SLC25A25: variants seen among roughly 807,000 people sequenced by gnomAD.
The protein encoded by SLC25A25 is mitochondrial adenyl nucleotide antiporter SLC25A25.
In SLC25A25, 32 loss-of-function variants were observed where a neutral mutation model predicts 57.7. The ratio of observed to expected loss-of-function variants is 0.55; its 90% CI spans 0.42 to 0.74. SLC25A25 has a LOEUF of 0.74. Among genes scored for constraint, SLC25A25 ranks in the 30% least tolerant of loss-of-function variants. The pLI, the probability that SLC25A25 is intolerant of heterozygous loss-of-function variation, is 0.00. For missense variants in SLC25A25, 556 were observed against 701.3 expected (o/e 0.79, Z 2.34); for synonymous variants, 306 against 291.2 (o/e 1.05, Z -0.52).
intron 6 of SLC25A25, among the ~76,000 whole-genome samples, chr9:128,105,158 CTTTTTTTTTTTT>C (rs11351573): frequency 1.2e-3 from 35 of 29,184 alleles, no homozygotes; most frequent in South Asian, 4.7e-3. Flanking sequence ...CACTCCCGGC[CTTTTTTTTTTTT>C]TTTTTTTTTT....
Position 128,102,594 on chromosome 9 carries a change from C to T in SLC25A25, c.624+113C>T, listed in dbSNP as rs1833849770. The T allele has an allele frequency of 2.6e-6, 2 of 767,732 alleles. No homozygotes were observed. The highest frequency in any genetic ancestry group is 4.2e-6 in the Non-Finnish European group (2 of 471,874). 47.6% of individuals were successfully genotyped at this position (767,732 alleles called of 1,614,324 possible). On this transcript the variant is annotated intron_variant, in intron 5 of 10. Coordinates refer to ENST00000373069, the MANE Select transcript of SLC25A25 (RefSeq NM_001330988.2). The surrounding 1 kb of genome is among the most constrained non-coding windows in gnomAD (Gnocchi z 4.1). ...GGGGCTTTCCAGCCACCTCCTCTTC[C>T]ACAGGAGACTGTCCCCTCTTCTGCC... is the stretch of plus-strand genomic sequence containing the variant.
chr9:128,088,180 G>A (rs1183183998), intron 1 of SLC25A25, among the ~76,000 whole-genome samples: 3 of 152,306 alleles, frequency 2.0e-5, no homozygotes, highest in South Asian at 4.1e-4. Context: ...TTGTTGGGCG[G>A]AACAAGGACA....
intron 1 of SLC25A25, among the ~76,000 whole-genome samples, chr9:128,088,259 C>G (rs1348428166): frequency 2.6e-5 from 4 of 152,208 alleles, no homozygotes. Context: ...TTCTGAACCT[C>G]CCTGTATTCT....
At chr9:128,088,413 G>A (rs574092667) in intron 1 of SLC25A25, among the ~76,000 whole-genome samples, 12 of 152,288 alleles carry the variant, frequency 7.9e-5, no homozygotes, top group Admixed American at 5.9e-4. Flanking sequence ...CTCACTCCCT[G>A]TGCAGCTCTC....
At chr9:128,098,586 ATGTGC>A (rs774725023) in intron 1 of SLC25A25, 1 of 1,614,056 alleles carries the variant, frequency 6.2e-7, no homozygotes, top group South Asian at 1.1e-5. Flanking sequence ...CTGTGCCTGT[ATGTGC>A]CGGTCATCGG....
intron 1 of SLC25A25, chr9:128,098,472 C>T: frequency 3.3e-6 from 5 of 1,507,288 alleles, no homozygotes; most frequent in Non-Finnish European, 4.4e-6. Context: ...ACAGCTGAGG[C>T]CAGGCTTGTC....
In SLC25A25 at chr9:128,103,882, C is replaced by G. The variant is rs757938933; in HGVS notation, c.783+43C>G. 3 of 1,490,480 alleles carry G rather than the reference C, an allele frequency of 2.0e-6. No individual in the cohort carries two copies. Among genetic ancestry groups the G allele is most frequent in the Non-Finnish European group, 2.7e-6 (3 of 1,121,662 alleles). The allele number at this position is 1,490,480 out of a possible 1,614,324, so 92.3% of individuals were successfully genotyped here. A position where few individuals can be genotyped will look rare whatever the true frequency, so the allele number is the denominator to read the frequency against. On this transcript the variant is annotated intron_variant, in intron 6 of 10. Coordinates refer to ENST00000373069, the MANE Select transcript of SLC25A25 (RefSeq NM_001330988.2). This position sits in a 1 kb window ranked among gnomAD's most constrained non-coding sequence, Gnocchi z 6.7. ...CCCAGACCCCTGGGGGGCCAGTTTCCACCTGGGGGATGCTGCTTGGCTAGT... is the reference window on the plus strand; with the variant it reads ...CCCAGACCCCTGGGGGGCCAGTTTCGACCTGGGGGATGCTGCTTGGCTAGT...
chr9:128,106,002 C>G (rs1834015800), intron 7 of SLC25A25, 121 bp downstream of exon 7: 17 of 1,526,230 alleles, frequency 1.1e-5, no homozygotes, highest in Non-Finnish European at 1.5e-5. Flanking sequence ...CCAGGGACAG[C>G]AGGGCGAGGC....
rs1029675451 is a variant in SLC25A25 at position 128,102,749 on chromosome 9, G to A, written c.624+268G>A. On this transcript the variant is annotated intron_variant, in intron 5 of 10. Coordinates refer to ENST00000373069, the MANE Select transcript of SLC25A25 (RefSeq NM_001330988.2). This position sits in a 1 kb window ranked among gnomAD's most constrained non-coding sequence, Gnocchi z 4.1. Reference sequence around the variant, plus strand: ...CGTCCCCACATGCTCCCTGCTCCCTGCTCCTCATGGGCCACTTCAAATACC... The same window carrying A: ...CGTCCCCACATGCTCCCTGCTCCCTACTCCTCATGGGCCACTTCAAATACC... Among the ~76,000 whole-genome samples, 3 of 152,136 alleles carry A rather than the reference G, an allele frequency of 2.0e-5. 1 individual carries two copies. The South Asian group carries it at 6.2e-4, about 32-fold the overall frequency.
At chr9:128,089,751 C>A (rs754426455) in intron 1 of SLC25A25, among the ~76,000 whole-genome samples, 32 of 151,756 alleles carry the variant, frequency 2.1e-4, no homozygotes, top group Non-Finnish European at 3.4e-4. Context: ...TCCCACCTCT[C>A]AGCCTCCTGA....
chr9:128,078,849 G>A lies in SLC25A25; in HGVS notation c.261+10269G>A, dbSNP rs117797052. On this transcript the variant is annotated intron_variant, in intron 1 of 10. Transcript: ENST00000373069. Reference sequence around the variant, plus strand: ...GCCCCATTTAGCTCAATGCAGTGCCGCCTTCCTTCTTTGACTGTGGACACT... The same window carrying A: ...GCCCCATTTAGCTCAATGCAGTGCCACCTTCCTTCTTTGACTGTGGACACT... Among the ~76,000 whole-genome samples, 290 of 152,248 alleles carry A rather than the reference G, an allele frequency of 1.9e-3. 2 individuals carry two copies. The highest frequency in any genetic ancestry group is 0.014 in the Admixed American group (209 of 15,272).
chr9:128,102,492 C>A lies in SLC25A25; in HGVS notation c.624+11C>A. The A allele has an allele frequency of 6.2e-7, 1 of 1,606,648 alleles. No homozygotes were observed. Among genetic ancestry groups the A allele is most frequent in the Non-Finnish European group, 8.5e-7 (1 of 1,174,090 alleles). On this transcript the variant is annotated intron_variant, in intron 5 of 10. Transcript: ENST00000373069. The surrounding 1 kb of genome is among the most constrained non-coding windows in gnomAD (Gnocchi z 4.1). ...TGGAAGCATTCCACGGTGAGCCCCA[C>A]GTGCCCAGGGCCCTCATCTGCTCCC...
At position 128,068,413 on chromosome 9, in the gene SLC25A25, G is replaced by T; in HGVS notation, c.94G>T (p.Val32Leu). Residue 32 changes from valine to leucine, a missense_variant, in exon 1 of 11, where the codon GTG becomes TTG. By Grantham distance (32) the Val-to-Leu change is conservative. This residue lies in a region of SLC25A25 where 248 missense variants were observed against 273.5 expected (regional missense o/e 0.91). Coordinates refer to ENST00000373069, the MANE Select transcript of SLC25A25 (RefSeq NM_001330988.2). ...TTCGTCTGCCTCATCGCCGGCGTCC[G>T]TGGGGGACCCCTGCGGCGGCGCTAT... ...ASSSASSPAS[V>L]GDPCGGAICG... 1 of 1,560,378 alleles carries T rather than the reference G, an allele frequency of 6.4e-7. No homozygotes were observed. Among genetic ancestry groups the T allele is most frequent in the South Asian group, 1.2e-5 (1 of 86,636 alleles).
intron 8 of SLC25A25, 23 bp downstream of exon 8, chr9:128,106,280 G>A: frequency 6.2e-7 from 1 of 1,608,452 alleles, no homozygotes; most frequent in Admixed American, 1.7e-5. Flanking sequence ...CTGGGTCCTG[G>A]GGCGGGCAGT....
chr9:128,068,863 C>G (rs1391967755), intron 1 of SLC25A25, among the ~76,000 whole-genome samples: 1 of 152,200 alleles, frequency 6.6e-6, no homozygotes, highest in African/African-American at 2.4e-5. Context: ...AAGGCCAGGT[C>G]TCAGGAGTGT....
chr9:128,092,829 T>G (rs1461815705), intron 1 of SLC25A25, among the ~76,000 whole-genome samples: 1 of 152,178 alleles, frequency 6.6e-6, no homozygotes, highest in Admixed American at 6.5e-5. Flanking sequence ...GAGGTGGAGC[T>G]GAGATTTCAC....
chr9:128,082,064 C>G (rs1240603167), intron 1 of SLC25A25, among the ~76,000 whole-genome samples: 1 of 152,204 alleles, frequency 6.6e-6, no homozygotes, highest in Non-Finnish European at 1.5e-5. Flanking sequence ...AAAAAGACAT[C>G]TTTAATATGC....
Position 128,107,305 on chromosome 9 carries a change from A to G in SLC25A25, c.1409A>G (p.Lys470Arg). 4 of 1,569,216 alleles carry G rather than the reference A, an allele frequency of 2.5e-6. No homozygotes were observed. The highest frequency in any genetic ancestry group is 3.5e-6 in the Non-Finnish European group (4 of 1,152,804). The change falls in exon 11 of 11, where the codon AAA becomes AGA. Residue 470 changes from lysine to arginine, a missense_variant. Lys to Arg is a conservative substitution (Grantham distance 26, BLOSUM62 2). Coordinates refer to ENST00000373069, the MANE Select transcript of SLC25A25 (RefSeq NM_001330988.2). The part of the protein sequence containing the change: ...APEVTMSSLF[K>R]HILRTEGAFG... ...GAGGTGACCATGAGCAGCCTCTTCA[A>G]ACATATCCTGCGGACCGAGGGGGCC...
Position 128,068,305 on chromosome 9 carries a change from C to A in SLC25A25, c.-15C>A. 1 of 1,366,320 alleles carries A rather than the reference C, an allele frequency of 7.3e-7. No individual in the cohort carries two copies. Among genetic ancestry groups the A allele is most frequent in the Non-Finnish European group, 9.4e-7 (1 of 1,058,294 alleles). The allele number at this position is 1,366,320 out of a possible 1,614,324, so 84.6% of individuals were successfully genotyped here. On this transcript the variant is annotated 5_prime_UTR_variant, in exon 1 of 11. Transcript: ENST00000373069. ...CCCGCTCCCGCCCGCGCCCGGAGCC[C>A]CTGCCTCGCGCCCGATGGTGAGCAG... is the stretch of plus-strand genomic sequence containing the variant.
Sources: allele counts gnomAD v4.1 joint callset (sites outside exome capture counted in the v4.1 genomes callset), GRCh38; gene constraint gnomAD v4.1.1; regional missense constraint gnomAD v4.1.1; non-coding constraint Gnocchi (gnomAD v3.1); transcripts MANE v1.5; gene names NCBI Gene and HGNC (gene_info 2026-07-23, HGNC 2026-07-21).